CACNA2D1: variants seen among roughly 807,000 people sequenced by gnomAD.
CACNA2D1 encodes the protein calcium voltage-gated channel auxiliary subunit alpha2delta 1, also known as voltage-dependent calcium channel subunit alpha-2/delta-1.
A neutral mutation model predicts 171.5 loss-of-function variants in CACNA2D1; 53 were observed. The ratio of observed to expected loss-of-function variants is 0.31; its 90% CI spans 0.25 to 0.39. CACNA2D1 has a LOEUF of 0.39. Among genes scored for constraint, CACNA2D1 ranks in the 10% least tolerant of loss-of-function variants. The pLI is 1.00. For synonymous variants in CACNA2D1, 442 were observed against 443.1 expected (o/e 1.00, Z 0.03); for missense variants, 903 against 1,299.8 (o/e 0.69, Z 4.69).
intron 1 of CACNA2D1, among the ~76,000 whole-genome samples, chr7:82,405,607 G>T (rs1389273063): frequency 6.6e-6 from 1 of 152,150 alleles, no homozygotes; most frequent in Non-Finnish European, 1.5e-5. Context: ...TCCGAGGAAT[G>T]ACAAGTATAC....
chr7:82,157,885 G>C (rs985157944), intron 4 of CACNA2D1, among the ~76,000 whole-genome samples: 5 of 151,846 alleles, frequency 3.3e-5, no homozygotes, highest in African/African-American at 4.8e-5. Context: ...TTCACCAATT[G>C]TTGAGTTCTA....
At chr7:82,384,483 C>T (rs1824099081) in intron 1 of CACNA2D1, among the ~76,000 whole-genome samples, 1 of 152,050 alleles carries the variant, frequency 6.6e-6, no homozygotes, top group Admixed American at 6.6e-5. Context: ...GCCTCCAGAA[C>T]TGTGAAAAAT....
At chr7:82,299,913 A>G (rs1257655676) in intron 3 of CACNA2D1, among the ~76,000 whole-genome samples, 1 of 152,190 alleles carries the variant, frequency 6.6e-6, no homozygotes, top group Non-Finnish European at 1.5e-5. Flanking sequence ...CACCCACTAT[A>G]TATCAGGAAC....
chr7:82,281,116 A>C (rs955093831), intron 3 of CACNA2D1, among the ~76,000 whole-genome samples: 4 of 152,172 alleles, frequency 2.6e-5, no homozygotes, highest in Non-Finnish European at 4.4e-5. Flanking sequence ...CAACTAATCA[A>C]GTCCTCCATA....
At chr7:82,000,267 T>A (rs1406639542) in intron 18 of CACNA2D1, among the ~76,000 whole-genome samples, 4 of 151,596 alleles carry the variant, frequency 2.6e-5, no homozygotes, top group East Asian at 3.9e-4. Flanking sequence ...AGAAAAAAAA[T>A]AAATAAATAA....
chr7:82,443,521 A>G lies in CACNA2D1; in HGVS notation c.-62T>C. Reference sequence around the variant, plus strand: ...AGCGGGGGAAGGAGCGGCGCTGGAAACCGCGGGCGGAGGAAGAGCAGCACA... The same window carrying G: ...AGCGGGGGAAGGAGCGGCGCTGGAAGCCGCGGGCGGAGGAAGAGCAGCACA... On this transcript the variant is annotated 5_prime_UTR_variant, in exon 1 of 39. Coordinates refer to ENST00000356860, the MANE Select transcript of CACNA2D1 (RefSeq NM_000722.4). The G allele has an allele frequency of 4.4e-6, 7 of 1,577,248 alleles. No homozygotes were observed. In the Middle Eastern group the frequency reaches 5.0e-4, roughly 114 times the overall value.
intron 11 of CACNA2D1, among the ~76,000 whole-genome samples, 184 bp downstream of exon 11, chr7:82,037,893 C>T (rs1803504585): frequency 6.6e-6 from 1 of 152,050 alleles, no homozygotes; most frequent in South Asian, 2.1e-4. Flanking sequence ...TTTTAGATGC[C>T]TTTTGAATTT....
At chr7:82,229,569 A>G (rs1232772950) in intron 3 of CACNA2D1, among the ~76,000 whole-genome samples, 1 of 152,076 alleles carries the variant, frequency 6.6e-6, no homozygotes, top group Non-Finnish European at 1.5e-5. Flanking sequence ...AACTAATCAC[A>G]TACCTAGTTC....
chr7:82,291,484 T>A (rs1162732143), intron 3 of CACNA2D1, among the ~76,000 whole-genome samples: 2 of 134,096 alleles, frequency 1.5e-5, no homozygotes, highest in African/African-American at 2.7e-5. Flanking sequence ...TAAAAATATA[T>A]TATATATATT....
At chr7:81,985,238 TC>T (rs901330251) in intron 21 of CACNA2D1, among the ~76,000 whole-genome samples, 3 of 141,174 alleles carry the variant, frequency 2.1e-5, no homozygotes, top group Admixed American at 1.4e-4. Context: ...TCTCACTCTA[TC>T]CCCCAGGCTG....
chr7:82,005,257 C>T, intron 18 of CACNA2D1, 166 bp downstream of exon 18: 2 of 599,564 alleles, frequency 3.3e-6, no homozygotes, highest in Admixed American at 3.0e-5. Flanking sequence ...TTCACACTTT[C>T]ATATAGTATC....
rs775411059 is a variant in CACNA2D1, at chr7:81,984,426, A to G, written c.1873+209T>C. On this transcript the variant is annotated intron_variant, in intron 22 of 38. Coordinates refer to ENST00000356860, the MANE Select transcript of CACNA2D1 (RefSeq NM_000722.4). The stretch of plus-strand genomic sequence containing the variant: ...GGAAGGGTGGTGGGGACTGCCAGTG[A>G]GACTGGAGTACCTGCTCATATTCTA... Among the ~76,000 whole-genome samples the G allele has an allele frequency of 1.7e-4, 26 of 152,182 alleles. 1 individual carries two copies. The highest frequency in any genetic ancestry group is 1.3e-4 in the Admixed American group (2 of 15,274).
At chr7:81,978,822 T>TATATA (rs1562811993) in intron 24 of CACNA2D1, among the ~76,000 whole-genome samples, 118 of 33,326 alleles carry the variant, frequency 3.5e-3, no homozygotes, top group African/African-American at 0.014. Flanking sequence ...ATATATATAT[T>TATATA]TATTTATTTA....
intron 3 of CACNA2D1, among the ~76,000 whole-genome samples, chr7:82,174,591 T>G (rs575771139): frequency 4.6e-4 from 70 of 152,160 alleles, no homozygotes; most frequent in African/African-American, 1.6e-3. Flanking sequence ...GACCATTCTT[T>G]AGATTCCTAT....
Position 82,005,814 on chromosome 7 carries a change from C to A in CACNA2D1, c.1466G>T (p.Gly489Val). The change falls in exon 17 of 39, where the codon GGA (glycine) becomes GTA (valine). Residue 489 changes from glycine (G) to valine (V), a missense_variant. Physicochemically the swap from Gly to Val is moderately radical, Grantham distance 109 (BLOSUM62 -3). Around this residue, in one of 5 missense-constraint regions of CACNA2D1, gnomAD observed 623 missense variants for 925.5 expected, o/e 0.67. Coordinates refer to ENST00000356860, the MANE Select transcript of CACNA2D1 (RefSeq NM_000722.4). ...AATATCTTCCAAAGACACATCTACT[C>A]CCATCACACCAAGAATCAGCTGGTT... The part of the protein sequence containing the change: ...LKNQLILGVM[G>V]VDVSLEDIKR... The A allele has an allele frequency of 6.2e-7, 1 of 1,607,370 alleles. No individual in the cohort carries two copies. Among genetic ancestry groups the A allele is most frequent in the Non-Finnish European group, 8.5e-7 (1 of 1,174,056 alleles).
At chr7:82,256,999 T>C (rs1173237885) in intron 3 of CACNA2D1, among the ~76,000 whole-genome samples, 2 of 152,194 alleles carry the variant, frequency 1.3e-5, no homozygotes, top group African/African-American at 4.8e-5. Context: ...ATGGTATCAA[T>C]GGTGAGGATG....
Position 82,012,181 on chromosome 7 carries a change from T to C in CACNA2D1, c.1335A>G (p.Gln445=), listed in dbSNP as rs1246520151. The stretch of plus-strand genomic sequence containing the variant: ...ATGCATCCAGGTACACATTTGTCCA[T>C]TGGACTTGCTTAGCTTTGTCTCCTG... ...VLAGDKAKQV[Q]WTNVYLDALE... is the part of the protein sequence containing the mutation. The change falls in exon 15 of 39, where the codon CAA becomes CAG. Residue 445 remains glutamine, a synonymous_variant. Transcript: ENST00000356860. 1.9e-6 allele frequency: 3 copies of C among 1,605,804 alleles called. No homozygotes were observed. The highest frequency in any genetic ancestry group is 2.6e-6 in the Non-Finnish European group (3 of 1,173,050).
intron 3 of CACNA2D1, among the ~76,000 whole-genome samples, chr7:82,246,893 C>T (rs1653650577): frequency 6.6e-6 from 1 of 152,046 alleles, no homozygotes; most frequent in Non-Finnish European, 1.5e-5. Context: ...CCACCATCAC[C>T]CCACAAATAC....
intron 3 of CACNA2D1, among the ~76,000 whole-genome samples, chr7:82,184,564 T>G (rs1425933861): frequency 6.6e-6 from 1 of 152,178 alleles, no homozygotes. Flanking sequence ...TCAAAGATTC[T>G]TTCAATAATT....
Sources: gnomAD v4.1 joint callset for allele counts (sites outside exome capture counted in the v4.1 genomes callset) on GRCh38, gnomAD v4.1.1 for gene constraint, gnomAD v4.1.1 regional missense constraint, MANE v1.5 for transcripts, NCBI Gene and HGNC (gene_info 2026-07-23, HGNC 2026-07-21) for gene names.